Variants in DDX6 observed in about 807,000 individuals in gnomAD.
DDX6 encodes probable ATP-dependent RNA helicase DDX6.
Under a neutral mutation model 60.6 loss-of-function variants are expected in DDX6, and 7 were observed. That is an observed-to-expected ratio of 0.12 (90% CI 0.07 to 0.22). The LOEUF is 0.22. DDX6 is among the 10% of genes least tolerant of loss of function. The probability of loss-of-function intolerance (pLI) is 1.00; values close to 1 mark genes in which losing one functional copy is unlikely to be tolerated. For missense variants in DDX6, 270 were observed against 589.9 expected, an observed-to-expected ratio of 0.46 and a Z score of 5.62; for synonymous variants, 207 against 201.0, an observed-to-expected ratio of 1.03 and a Z score of -0.25.
At chr11:118,777,183 ATCTG>A (rs1861728537) in intron 4 of DDX6, among the ~76,000 whole-genome samples, 1 of 152,178 alleles carries the variant, frequency 6.6e-6, no homozygotes, top group Admixed American at 6.6e-5. Flanking sequence ...GCAACCATAT[ATCTG>A]TCTTATTCAT....
rs976220515 is a variant in DDX6 at position 118,769,339 on chromosome 11, T to C, written c.370-987A>G. Among the ~76,000 whole-genome samples the C allele has an allele frequency of 1.8e-4, 27 of 152,306 alleles. No homozygotes were observed. In the South Asian group the frequency reaches 1.9e-3, roughly 11 times the overall value. ...AATCTCCAATGTCTGTCCCACAGCC[T>C]ACTTCTCTGTTCTGTAATGTGCTCT... is the stretch of plus-strand genomic sequence containing the variant. On this transcript the variant is annotated intron_variant, in intron 4 of 13. Coordinates refer to ENST00000534980, the MANE Select transcript of DDX6 (RefSeq NM_004397.6).
intron 2 of DDX6, 160 bp downstream of exon 2, chr11:118,785,892 A>T (rs868072254): frequency 1.1e-4 from 67 of 591,358 alleles, no homozygotes; most frequent in Non-Finnish European, 1.5e-4. Flanking sequence ...GAAATATATT[A>T]TTCTATTGCA....
chr11:118,748,919 G>A lies in DDX6; in HGVS notation c.*3186C>T, dbSNP rs1365600882. ...CCATCTCATTCTGAAAACAAATACT[G>A]ATAACCAAGCCCACCCTCCAACCCT... On this transcript the variant is annotated 3_prime_UTR_variant, in exon 14 of 14. Transcript: ENST00000534980. 1 of 152,134 alleles carries A rather than the reference G, an allele frequency of 6.6e-6. No homozygotes were observed. The highest frequency in any genetic ancestry group is 1.9e-4 in the East Asian group (1 of 5,196). The allele number at this position is 152,134 out of a possible 1,614,324, so 9.4% of individuals were successfully genotyped here.
At chr11:118,781,871 T>C (rs1161763212) in intron 2 of DDX6, among the ~76,000 whole-genome samples, 1 of 148,980 alleles carries the variant, frequency 6.7e-6, no homozygotes, top group Non-Finnish European at 1.5e-5. Flanking sequence ...GACACTGCAG[T>C]GAGCCAAGCT....
At position 118,753,877 on chromosome 11, in the gene DDX6, T is replaced by C. The variant is rs552711873; in HGVS notation, c.*7+828A>G. ...TAGGAGGCTGAGGCGGGTAGATCACTTGAGGTCAGGAGTTCAAGACCAACC... is the reference window on the plus strand; with the variant it reads ...TAGGAGGCTGAGGCGGGTAGATCACCTGAGGTCAGGAGTTCAAGACCAACC... On this transcript the variant is annotated intron_variant, in intron 13 of 13. Transcript: ENST00000534980. Among the ~76,000 whole-genome samples, 5 of 152,034 alleles carry C rather than the reference T, an allele frequency of 3.3e-5. No homozygotes were observed. In the South Asian group the frequency reaches 1.0e-3, roughly 32 times the overall value.
intron 4 of DDX6, among the ~76,000 whole-genome samples, chr11:118,777,611 C>T (rs781859910): frequency 3.3e-5 from 5 of 152,094 alleles, no homozygotes; most frequent in African/African-American, 7.2e-5. Context: ...AGAAAGGGGC[C>T]GGGTACGATG....
At chr11:118,786,974 G>C (rs1207582338) in intron 1 of DDX6, 2 of 152,138 alleles carry the variant, frequency 1.3e-5, no homozygotes, top group Admixed American at 6.6e-5. Context: ...ATAGATTTAA[G>C]TGAGCTTTTG....
chr11:118,786,376 G>C lies in DDX6; in HGVS notation c.-125C>G. ...AATATAAGTCTTGCTCAATAAATGA[G>C]TCCTTTATTGCAATGCAGGCAAGCA... On this transcript the variant is annotated 5_prime_UTR_variant, in exon 2 of 14. Transcript: ENST00000534980. 1.2e-5 allele frequency: 9 copies of C among 750,060 alleles called. No individual in the cohort carries two copies. Among genetic ancestry groups the C allele is most frequent in the Non-Finnish European group, 1.6e-5 (8 of 487,858 alleles). The allele number at this position is 750,060 out of a possible 1,614,324, so 46.5% of individuals were successfully genotyped here.
intron 4 of DDX6, among the ~76,000 whole-genome samples, chr11:118,768,664 A>T (rs1210540725): frequency 6.6e-6 from 1 of 152,116 alleles, no homozygotes. Flanking sequence ...CTGACCCATA[A>T]ATAGCACTTG....
intron 4 of DDX6, among the ~76,000 whole-genome samples, chr11:118,772,927 G>A (rs1555162872): frequency 6.6e-6 from 1 of 152,170 alleles, no homozygotes; most frequent in Non-Finnish European, 1.5e-5. Context: ...CACTGGGCCA[G>A]CGGAATGTTG....
At chr11:118,772,375 C>T (rs1289020795) in intron 4 of DDX6, among the ~76,000 whole-genome samples, 3 of 152,098 alleles carry the variant, frequency 2.0e-5, no homozygotes, top group Non-Finnish European at 2.9e-5. Context: ...GAAAACATTA[C>T]GCTAAGTCAA....
intron 8 of DDX6, 51 bp downstream of exon 8, chr11:118,759,871 T>A: frequency 6.4e-7 from 1 of 1,560,158 alleles, no homozygotes; most frequent in Non-Finnish European, 8.7e-7. Flanking sequence ...AATAAAAGCA[T>A]ACTCAAAGGT....
chr11:118,759,897 A>T (rs1555159786), intron 8 of DDX6, 25 bp downstream of exon 8: 1 of 1,604,292 alleles, frequency 6.2e-7, no homozygotes, highest in Admixed American at 1.7e-5. Flanking sequence ...GATGGCACTG[A>T]TTCCAAGTAC....
intron 12 of DDX6, among the ~76,000 whole-genome samples, 190 bp from the exon 13 acceptor site, chr11:118,755,077 T>C (rs1298708203): frequency 3.3e-5 from 5 of 152,114 alleles, no homozygotes; most frequent in African/African-American, 7.2e-5. Flanking sequence ...CAGCCCAAAA[T>C]AGTACTTCAT....
intron 2 of DDX6, among the ~76,000 whole-genome samples, chr11:118,783,169 A>C (rs1294043665): frequency 3.3e-5 from 5 of 152,214 alleles, no homozygotes; most frequent in African/African-American, 1.2e-4. Context: ...CATGGAAGAG[A>C]GGGCAGAGAA....
At chr11:118,779,532 G>A (rs782006745) in intron 4 of DDX6, 100 bp downstream of exon 4, 9 of 723,048 alleles carry the variant, frequency 1.2e-5, no homozygotes, top group East Asian at 8.6e-5. Flanking sequence ...ATACGTGAGA[G>A]AGAAATGTTA....
At chr11:118,757,363 A>T in intron 9 of DDX6, 76 bp from the exon 10 acceptor site, 1 of 701,286 alleles carries the variant, frequency 1.4e-6, no homozygotes, top group South Asian at 2.5e-5. Context: ...GAAAACACGA[A>T]CCAGCAAAAA....
intron 9 of DDX6, among the ~76,000 whole-genome samples, chr11:118,758,414 C>G (rs150589659): frequency 9.2e-5 from 14 of 152,096 alleles, no homozygotes; most frequent in Admixed American, 9.2e-4. Context: ...GCTCTGTCGC[C>G]CAGAGCTGGA....
At chr11:118,756,020 C>CG (rs201147561) in intron 11 of DDX6, among the ~76,000 whole-genome samples, 2 of 47,728 alleles carry the variant, frequency 4.2e-5, no homozygotes, top group African/African-American at 6.1e-5. Context: ...TCCCCCTCCC[C>CG]CCCCCCCCCA....
Sources: gnomAD v4.1 joint callset for allele counts (sites outside exome capture counted in the v4.1 genomes callset) on GRCh38, gnomAD v4.1.1 for gene constraint, MANE v1.5 for transcripts, NCBI Gene and HGNC (gene_info 2026-07-23, HGNC 2026-07-21) for gene names.